MRE11: variants seen among roughly 807,000 people sequenced by gnomAD.
The protein encoded by MRE11 is double-strand break repair protein MRE11.
In MRE11, 62 loss-of-function variants were observed where a neutral mutation model predicts 91.7. The observed-to-expected ratio is 0.68, with a 90% CI of 0.55 to 0.84. The LOEUF is 0.84. MRE11 is among the 40% of genes least tolerant of loss of function. MRE11 has a pLI of 0.00. For synonymous variants in MRE11, 273 were observed against 271.4 expected, an observed-to-expected ratio of 1.01 and a Z score of -0.06; for missense variants, 796 against 852.9, an observed-to-expected ratio of 0.93 and a Z score of 0.83.
chr11:94,497,733 A>G (rs1947435990), upstream of MRE11: 2 of 209,716 alleles, frequency 9.5e-6, no homozygotes, highest in Admixed American at 1.1e-4. Context: ...TTCTTCACAG[A>G]TAACACATAA....
Position 94,461,948 on chromosome 11 carries a change from G to A in MRE11, c.1226-912C>T, listed in dbSNP as rs1264872458. On this transcript the variant is annotated intron_variant, in intron 11 of 19. Coordinates refer to ENST00000323929, the MANE Select transcript of MRE11 (RefSeq NM_005591.4). ...AATTAGCAGGGGCGTGGTGACAGGT[G>A]CCTGTAGTCCCAGCGACTCGGGAGG... Among the ~76,000 whole-genome samples, 3 of 152,160 alleles carry A rather than the reference G, an allele frequency of 2.0e-5. No homozygotes were observed. The highest frequency in any genetic ancestry group is 4.4e-5 in the Non-Finnish European group (3 of 68,030).
intron 3 of MRE11, among the ~76,000 whole-genome samples, chr11:94,487,005 A>C (rs981154887): frequency 2.0e-5 from 3 of 152,216 alleles, no homozygotes; most frequent in African/African-American, 7.2e-5. Context: ...TGTGAGGTTT[A>C]AGCTAGGCCT....
chr11:94,423,749 G>C (rs879732068), intron 19 of MRE11, among the ~76,000 whole-genome samples: 1 of 152,220 alleles, frequency 6.6e-6, no homozygotes, highest in Admixed American at 6.5e-5. Context: ...AGCACAGCTG[G>C]TGCCTGACCC....
chr11:94,463,575 T>C (rs1357669414), intron 11 of MRE11, among the ~76,000 whole-genome samples: 1 of 152,146 alleles, frequency 6.6e-6, no homozygotes, highest in African/African-American at 2.4e-5. Context: ...ATGTGGCACA[T>C]ATACACTATG....
rs201276188 is a variant in MRE11 at position 94,471,742 on chromosome 11, G to C, written c.677C>G (p.Thr226Ser). The change falls in exon 8 of 20, where the codon ACT (threonine) becomes AGT (serine). Residue 226 changes from threonine (T) to serine (S), a missense_variant. By Grantham distance (58) the Thr-to-Ser change is moderately conservative. Coordinates refer to ENST00000323929, the MANE Select transcript of MRE11 (RefSeq NM_005591.4). ...IHQNRSKHGSTNFIPEQFLDD... is the reference protein window; with the variant it reads ...IHQNRSKHGSSNFIPEQFLDD... Reference sequence around the variant, plus strand: ...CAAAAATTGTTCTGGAATGAAGTTAGTACTTCCATGTTTACTCCTGTATCA... The same window carrying C: ...CAAAAATTGTTCTGGAATGAAGTTACTACTTCCATGTTTACTCCTGTATCA... The C allele has an allele frequency of 2.5e-6, 4 of 1,611,456 alleles. No homozygotes were observed. In the East Asian group the frequency reaches 8.9e-5, roughly 36 times the overall value.
chr11:94,466,427 A>G, intron 10 of MRE11: 1 of 510,042 alleles, frequency 2.0e-6, no homozygotes, highest in Non-Finnish European at 4.1e-6. Flanking sequence ...TGGGATAAAG[A>G]AACGGGAACA....
At chr11:94,508,037 G>A in the MRE11 span, among the ~76,000 whole-genome samples, 4 of 151,962 alleles carry the variant, frequency 2.6e-5, no homozygotes, top group Admixed American at 6.6e-5. Context: ...TGGTGTGATC[G>A]TAGCTCAGTG....
chr11:94,434,790 T>G (rs1945557580), intron 18 of MRE11, among the ~76,000 whole-genome samples: 2 of 152,216 alleles, frequency 1.3e-5, no homozygotes, highest in South Asian at 4.1e-4. Context: ...ATTCATTCTT[T>G]GATGAATTCA....
At chr11:94,496,226 GCT>G (rs1947416231), upstream of MRE11, among the ~76,000 whole-genome samples, 1 of 152,074 alleles carries the variant, frequency 6.6e-6, no homozygotes, top group Non-Finnish European at 1.5e-5. Flanking sequence ...TTTTATTTCT[GCT>G]CTATATTATC....
intron 19 of MRE11, among the ~76,000 whole-genome samples, chr11:94,424,772 A>G (rs999384447): frequency 5.9e-5 from 9 of 152,306 alleles, no homozygotes; most frequent in Admixed American, 2.6e-4. Context: ...CAGTTCTTCA[A>G]ATCTACTTGG....
intron 14 of MRE11, among the ~76,000 whole-genome samples, chr11:94,449,657 T>C (rs1156813752): frequency 1.3e-5 from 2 of 152,214 alleles, no homozygotes; most frequent in Non-Finnish European, 2.9e-5. Context: ...ATCAGGTGAT[T>C]TCATTATTGT....
intron 19 of MRE11, among the ~76,000 whole-genome samples, chr11:94,425,800 A>C (rs1170783019): frequency 1.3e-5 from 2 of 152,212 alleles, no homozygotes; most frequent in Non-Finnish European, 2.9e-5. Flanking sequence ...AGACCTAACT[A>C]TGCCAAATAT....
At position 94,440,398 on chromosome 11, in the gene MRE11, T is replaced by G. The variant is rs564182574; in HGVS notation, c.1868-3163A>C. Among the ~76,000 whole-genome samples, 3 of 150,618 alleles carry G rather than the reference T, an allele frequency of 2.0e-5. No homozygotes were observed. The Admixed American group carries it at 2.0e-4, about 10-fold the overall frequency. On this transcript the variant is annotated intron_variant, in intron 16 of 19. Transcript: ENST00000323929. ...TCATTGTCTTCAAACTCACTTCTGCTGACAACAATCCAAATTAGTACCTCA... is the reference window on the plus strand; with the variant it reads ...TCATTGTCTTCAAACTCACTTCTGCGGACAACAATCCAAATTAGTACCTCA...
chr11:94,424,738 GA>G (rs1945263134), intron 19 of MRE11, among the ~76,000 whole-genome samples: 1 of 152,006 alleles, frequency 6.6e-6, no homozygotes, highest in African/African-American at 2.4e-5. Flanking sequence ...CCAAACTGAG[GA>G]AAGAATCTCA....
the MRE11 span, chr11:94,512,380 G>A: frequency 2.7e-6 from 2 of 729,594 alleles, no homozygotes; most frequent in South Asian, 7.0e-5. Flanking sequence ...CTTCTTTGGT[G>A]CGCGGAATAC....
At chr11:94,493,657 A>T (rs1183931547) in intron 1 of MRE11, 134 bp downstream of exon 1, 3 of 152,334 alleles carry the variant, frequency 2.0e-5, no homozygotes, top group South Asian at 2.1e-4. Flanking sequence ...CTGCAGAAAC[A>T]GGAGACGAAT....
At chr11:94,470,327 A>C (rs1195051906) in intron 9 of MRE11, 144 bp downstream of exon 9, 15 of 806,948 alleles carry the variant, frequency 1.9e-5, no homozygotes, top group Non-Finnish European at 2.9e-5. Context: ...AATTAAACAC[A>C]TTCACTGAAG....
chr11:94,482,534 C>T (rs1017571446), intron 4 of MRE11, among the ~76,000 whole-genome samples: 3 of 152,072 alleles, frequency 2.0e-5, no homozygotes. Context: ...ATACAAGGAA[C>T]AACAGTGAGC....
intron 19 of MRE11, among the ~76,000 whole-genome samples, chr11:94,422,080 A>G (rs964860593): frequency 6.6e-6 from 1 of 152,222 alleles, no homozygotes; most frequent in African/African-American, 2.4e-5. Context: ...AAAAAAATAA[A>G]TGAAAGGGGT....
Sources: allele counts gnomAD v4.1 joint callset (sites outside exome capture counted in the v4.1 genomes callset), GRCh38; gene constraint gnomAD v4.1.1; transcripts MANE v1.5; gene names NCBI Gene and HGNC (gene_info 2026-07-23, HGNC 2026-07-21).